Variants in DPY19L3 observed in about 807,000 individuals in gnomAD.
The protein encoded by DPY19L3 is protein C-mannosyl-transferase DPY19L3.
DPY19L3 carries 51 observed loss-of-function variants against 92.3 expected under a neutral mutation model. The ratio of observed to expected loss-of-function variants is 0.55; its 90% CI spans 0.44 to 0.70. The LOEUF (loss-of-function observed/expected upper bound fraction) is 0.70, where lower values mean the gene tolerates loss of function less well. Among genes scored for constraint, DPY19L3 ranks in the 30% least tolerant of loss-of-function variants. DPY19L3 has a pLI of 0.00. For synonymous variants in DPY19L3, 309 were observed against 315.2 expected, an observed-to-expected ratio of 0.98 and a Z score of 0.21; for missense variants, 706 against 855.9, an observed-to-expected ratio of 0.82 and a Z score of 2.18.
At position 32,480,530 on chromosome 19, in the gene DPY19L3, G is replaced by C; in HGVS notation, c.1962G>C (p.Arg654=). 1 of 1,613,538 alleles carries C rather than the reference G, an allele frequency of 6.2e-7. No homozygotes were observed. Among genetic ancestry groups the C allele is most frequent in the Non-Finnish European group, 8.5e-7 (1 of 1,179,750 alleles). ...ERRHRRGCRL[R]DLLDIANGHM... Reference sequence around the variant, plus strand: ...GGCACCGCCGGGGCTGCCGACTCCGGGACCTGCTGGACATTGCCAACGGCC... The same window carrying C: ...GGCACCGCCGGGGCTGCCGACTCCGCGACCTGCTGGACATTGCCAACGGCC... Residue 654 remains arginine, a synonymous_variant, in exon 18 of 19, where the codon CGG becomes CGC. Transcript: ENST00000392250.
chr19:32,455,390 T>C (rs997020957), intron 10 of DPY19L3, among the ~76,000 whole-genome samples: 1 of 152,232 alleles, frequency 6.6e-6, no homozygotes, highest in African/African-American at 2.4e-5. Flanking sequence ...ATTTTGTTGA[T>C]TTTAGTCATT....
intron 8 of DPY19L3, among the ~76,000 whole-genome samples, chr19:32,448,744 T>C (rs1265801269): frequency 6.6e-6 from 1 of 152,184 alleles, no homozygotes; most frequent in South Asian, 2.1e-4. Flanking sequence ...GAAGAAAATC[T>C]ATGTATAATT....
rs766792616 is a variant in DPY19L3, at chr19:32,453,238, A to G, written c.949A>G (p.Ser317Gly). 7.4e-6 allele frequency: 12 copies of G among 1,613,632 alleles called. No individual in the cohort carries two copies. In the Admixed American group the frequency reaches 8.3e-5, roughly 11 times the overall value. The change falls in exon 9 of 19, where the codon AGT becomes GGT. Residue 317 changes from serine (S) to glycine (G), a missense_variant. Physicochemically the swap from Ser to Gly is moderately conservative, Grantham distance 56. Coordinates refer to ENST00000392250, the MANE Select transcript of DPY19L3 (RefSeq NM_001172774.2). ...NSMILGSLLI[S>G]FNLSVFIARK... is the part of the protein sequence containing the mutation. ...CATGATTCTTGGATCACTGCTTATC[A>G]GTTTTAACCTTTCAGTATTCATTGC...
At chr19:32,442,295 C>A (rs1969349237) in intron 8 of DPY19L3, among the ~76,000 whole-genome samples, 1 of 152,150 alleles carries the variant, frequency 6.6e-6, no homozygotes, top group Non-Finnish European at 1.5e-5. Context: ...AACAGAACAG[C>A]AAGCATATTA....
At chr19:32,473,713 G>A (rs556773530) in intron 16 of DPY19L3, among the ~76,000 whole-genome samples, 1 of 152,330 alleles carries the variant, frequency 6.6e-6, no homozygotes, top group Admixed American at 6.5e-5. Context: ...CACGGAGCTG[G>A]CGTATGAGAC....
At chr19:32,416,807 G>A (rs898096226) in intron 3 of DPY19L3, among the ~76,000 whole-genome samples, 4 of 152,160 alleles carry the variant, frequency 2.6e-5, no homozygotes, top group Admixed American at 1.3e-4. Context: ...TTGAGGTTTC[G>A]TTATGTAGGC....
intron 15 of DPY19L3, among the ~76,000 whole-genome samples, chr19:32,465,671 A>T (rs770713180): frequency 3.3e-5 from 5 of 152,122 alleles, no homozygotes; most frequent in Non-Finnish European, 7.4e-5. Context: ...TTATATTTTC[A>T]TGTAGGATTT....
At chr19:32,472,582 G>A (rs1030903412) in intron 16 of DPY19L3, among the ~76,000 whole-genome samples, 21 of 151,120 alleles carry the variant, frequency 1.4e-4, no homozygotes, top group South Asian at 4.2e-4. Flanking sequence ...AAAGTCAGGC[G>A]GTAGTTTTAA....
chr19:32,474,371 C>T (rs1183551399), intron 16 of DPY19L3, among the ~76,000 whole-genome samples: 1 of 152,160 alleles, frequency 6.6e-6, no homozygotes, highest in Non-Finnish European at 1.5e-5. Flanking sequence ...TGGTGATGGC[C>T]CTGCTGCTGC....
intron 3 of DPY19L3, chr19:32,427,914 C>T (rs897343018): frequency 4.0e-5 from 6 of 150,424 alleles, no homozygotes; most frequent in Non-Finnish European, 7.4e-5. Flanking sequence ...TTTTCGGTGG[C>T]TTCCCCACTA....
chr19:32,424,320 TA>T (rs11415675), intron 3 of DPY19L3, among the ~76,000 whole-genome samples: 76 of 141,944 alleles, frequency 5.4e-4, no homozygotes, highest in Middle Eastern at 3.5e-3. Flanking sequence ...ACCCTGTCTC[TA>T]AAAAAAAAAA....
chr19:32,473,931 G>A (rs1970429385), intron 16 of DPY19L3, among the ~76,000 whole-genome samples: 1 of 152,096 alleles, frequency 6.6e-6, no homozygotes, highest in African/African-American at 2.4e-5. Flanking sequence ...AGCCTCCCAG[G>A]TAGTGGGACT....
At chr19:32,471,959 G>A (rs1465168743) in intron 16 of DPY19L3, among the ~76,000 whole-genome samples, 2 of 152,120 alleles carry the variant, frequency 1.3e-5, no homozygotes, top group Admixed American at 1.3e-4. Context: ...GATGTTCATC[G>A]AGCCCCAGCT....
At chr19:32,463,591 G>A in intron 13 of DPY19L3, 103 bp downstream of exon 13, 1 of 1,365,002 alleles carries the variant, frequency 7.3e-7, no homozygotes, top group Non-Finnish European at 1.0e-6. Flanking sequence ...AATGATCATG[G>A]TTCCCATAAA....
chr19:32,457,086 T>C (rs992611540), intron 10 of DPY19L3, among the ~76,000 whole-genome samples: 2 of 152,212 alleles, frequency 1.3e-5, no homozygotes, highest in South Asian at 2.1e-4. Flanking sequence ...TGGCCCACTC[T>C]ACACATTCAG....
At chr19:32,459,753 TGATCATA>T (rs1002886865) in intron 12 of DPY19L3, among the ~76,000 whole-genome samples, 5 of 152,196 alleles carry the variant, frequency 3.3e-5, no homozygotes, top group African/African-American at 1.2e-4. Flanking sequence ...ATTGGGTATA[TGATCATA>T]GATAAAAGAT....
intron 2 of DPY19L3, among the ~76,000 whole-genome samples, chr19:32,409,124 T>C (rs974098019): frequency 5.9e-5 from 9 of 152,218 alleles, no homozygotes; most frequent in Non-Finnish European, 1.2e-4. Flanking sequence ...GCTCAGCCAT[T>C]AGCGAGTGAT....
At chr19:32,465,445 T>C (rs943090716) in intron 15 of DPY19L3, among the ~76,000 whole-genome samples, 4 of 152,256 alleles carry the variant, frequency 2.6e-5, no homozygotes, top group African/African-American at 9.6e-5. Context: ...TAGCACAGAC[T>C]GTTTTATCCA....
At chr19:32,408,382 A>G (rs746386455) in intron 2 of DPY19L3, 26 bp downstream of exon 2, 2 of 1,558,110 alleles carry the variant, frequency 1.3e-6, no homozygotes, top group South Asian at 1.1e-5. Flanking sequence ...TAAAGCAGCA[A>G]TTTGGGTTGC....
Sources: gnomAD v4.1 joint callset for allele counts (sites outside exome capture counted in the v4.1 genomes callset) on GRCh38, gnomAD v4.1.1 for gene constraint, MANE v1.5 for transcripts, NCBI Gene and HGNC (gene_info 2026-07-23, HGNC 2026-07-21) for gene names.